The following MTUS2 variants were observed in gnomAD, a reference collection of about 807,000 sequenced individuals.
The protein encoded by MTUS2 is microtubule associated scaffold protein 2.
MTUS2 carries 40 observed loss-of-function variants against 114.1 expected under a neutral mutation model. The observed-to-expected ratio is 0.35, with a 90% CI of 0.27 to 0.46. MTUS2 has a LOEUF of 0.46. MTUS2 is among the 20% of genes least tolerant of loss of function. The probability of loss-of-function intolerance (pLI) is 1.00; values close to 1 mark genes in which losing one functional copy is unlikely to be tolerated. For synonymous variants in MTUS2, 688 were observed against 672.0 expected (o/e 1.02, Z -0.37); for missense variants, 1,679 against 1,705.4 (o/e 0.98, Z 0.27).
intron 5 of MTUS2, among the ~76,000 whole-genome samples, chr13:29,245,492 G>A (rs1004008000): frequency 6.6e-6 from 1 of 152,076 alleles, no homozygotes; most frequent in African/African-American, 2.4e-5. Flanking sequence ...TGGATAACAG[G>A]GACCTTCAGC....
intron 7 of MTUS2, chr13:29,339,768 T>C (rs1237216355): frequency 6.1e-6 from 1 of 163,166 alleles, no homozygotes; most frequent in Non-Finnish European, 1.3e-5. Context: ...AGGGGCCGGG[T>C]GCGGACCCAG....
At chr13:29,012,669 T>C (rs1036511597) in intron 2 of MTUS2, among the ~76,000 whole-genome samples, 5 of 151,778 alleles carry the variant, frequency 3.3e-5, no homozygotes, top group African/African-American at 9.7e-5. Context: ...GTCAGGAGAT[T>C]GAGACCATCC....
intron 8 of MTUS2, among the ~76,000 whole-genome samples, chr13:29,426,992 C>G (rs1319028893): frequency 6.6e-6 from 1 of 152,190 alleles, no homozygotes; most frequent in Non-Finnish European, 1.5e-5. Context: ...CAGGTTTGAG[C>G]TCAAGGTACT....
intron 4 of MTUS2, among the ~76,000 whole-genome samples, chr13:29,058,367 A>G (rs1177337793): frequency 6.6e-6 from 1 of 151,816 alleles, no homozygotes; most frequent in Non-Finnish European, 1.5e-5. Context: ...ATCCTCAAAT[A>G]TGTTTTCCAA....
chr13:28,891,934 A>G (rs1878956265), intron 2 of MTUS2, among the ~76,000 whole-genome samples: 1 of 150,450 alleles, frequency 6.6e-6, no homozygotes, highest in East Asian at 1.9e-4. Flanking sequence ...CTTCCCTGAT[A>G]TACTCTATTT....
intron 8 of MTUS2, among the ~76,000 whole-genome samples, chr13:29,373,963 T>G (rs7491570): frequency 0.2 from 29,866 of 152,096 alleles, 3,056 homozygotes; most frequent in Middle Eastern, 0.25. Context: ...GCAGAATGCT[T>G]CAGGAAGTAC....
intron 11 of MTUS2, among the ~76,000 whole-genome samples, chr13:29,490,787 A>G (rs996863533): frequency 3.9e-5 from 6 of 152,286 alleles, no homozygotes; most frequent in Admixed American, 1.3e-4. Context: ...GGCTGCTCGC[A>G]GCTCCGCTGC....
At chr13:28,881,524 C>A (rs1360578496) in intron 2 of MTUS2, among the ~76,000 whole-genome samples, 1 of 152,100 alleles carries the variant, frequency 6.6e-6, no homozygotes, top group Non-Finnish European at 1.5e-5. Context: ...TATGGCAGTT[C>A]TATTTTTAGC....
In MTUS2 at chr13:29,503,223, G is replaced by T. The variant is rs1423112613; in HGVS notation, c.*17G>T. The T allele has an allele frequency of 1.2e-6, 2 of 1,612,038 alleles. No homozygotes were observed. Among genetic ancestry groups the T allele is most frequent in the South Asian group, 1.1e-5 (1 of 91,018 alleles). ...CCCAGATGACGCCACTACACGGCCT[G>T]CGGGAGCTCCGGCTTCTCGTCCTCC... is the stretch of plus-strand genomic sequence containing the variant. On this transcript the variant is annotated 3_prime_UTR_variant, in exon 16 of 16. Coordinates refer to ENST00000612955, the MANE Select transcript of MTUS2 (RefSeq NM_001033602.4).
intron 5 of MTUS2, among the ~76,000 whole-genome samples, chr13:29,126,643 A>T (rs755320641): frequency 1.8e-4 from 27 of 151,216 alleles, no homozygotes; most frequent in Non-Finnish European, 3.1e-4. Context: ...TTTTTTTTTT[A>T]AATTTTAGCT....
intron 5 of MTUS2, among the ~76,000 whole-genome samples, chr13:29,231,082 C>A (rs1391315829): frequency 6.6e-6 from 1 of 152,206 alleles, no homozygotes; most frequent in Non-Finnish European, 1.5e-5. Flanking sequence ...AAGCCCCAAG[C>A]AGTTCAAACC....
intron 2 of MTUS2, among the ~76,000 whole-genome samples, chr13:29,012,177 T>C (rs1263542278): frequency 6.6e-6 from 1 of 152,190 alleles, no homozygotes; most frequent in African/African-American, 2.4e-5. Flanking sequence ...GTCAAGGACG[T>C]GCAGCTCAAG....
chr13:29,391,013 C>A (rs113104055), intron 8 of MTUS2, among the ~76,000 whole-genome samples: 1,611 of 152,108 alleles, frequency 0.011, 29 homozygotes, highest in African/African-American at 0.037. Flanking sequence ...GAACTCCTGA[C>A]CTGCACACCT....
At chr13:29,349,031 A>G (rs78271844) in intron 7 of MTUS2, among the ~76,000 whole-genome samples, 5,019 of 152,176 alleles carry the variant, frequency 0.033, 288 homozygotes, top group African/African-American at 0.12. Flanking sequence ...TGATGTTATT[A>G]CTGATTTATT....
chr13:29,188,394 G>A (rs183571659), intron 5 of MTUS2, among the ~76,000 whole-genome samples: 20 of 152,284 alleles, frequency 1.3e-4, no homozygotes, highest in Admixed American at 6.5e-4. Flanking sequence ...GAATGAGCCC[G>A]AAATGGCCTC....
intron 9 of MTUS2, among the ~76,000 whole-genome samples, chr13:29,472,317 C>A (rs1480591425): frequency 6.6e-6 from 1 of 152,190 alleles, no homozygotes; most frequent in East Asian, 1.9e-4. Context: ...CCACCGTGCC[C>A]AGCCATGGTC....
At chr13:29,424,353 A>G (rs1876348020) in intron 8 of MTUS2, among the ~76,000 whole-genome samples, 1 of 144,526 alleles carries the variant, frequency 6.9e-6, no homozygotes, top group South Asian at 2.3e-4. Context: ...TATCAATTTA[A>G]AAATGTATAT....
intron 1 of MTUS2, among the ~76,000 whole-genome samples, chr13:28,832,848 TAGAAA>T (rs1018494307): frequency 1.3e-4 from 20 of 151,846 alleles, no homozygotes; most frequent in Middle Eastern, 3.4e-3. Flanking sequence ...AACTGACTAA[TAGAAA>T]AAGAGAGAAG....
At chr13:29,384,126 C>T (rs187441112) in intron 8 of MTUS2, among the ~76,000 whole-genome samples, 1 of 152,168 alleles carries the variant, frequency 6.6e-6, no homozygotes, top group African/African-American at 2.4e-5. Context: ...TTATAAAATA[C>T]TCTATTTCTG....
Sources: allele counts gnomAD v4.1 joint callset (sites outside exome capture counted in the v4.1 genomes callset), GRCh38; gene constraint gnomAD v4.1.1; transcripts MANE v1.5; gene names NCBI Gene and HGNC (gene_info 2026-07-23, HGNC 2026-07-21).